TENT4A: variants seen among roughly 807,000 people sequenced by gnomAD.
The protein encoded by TENT4A is terminal nucleotidyltransferase 4A.
TENT4A carries 7 observed loss-of-function variants against 72.8 expected under a neutral mutation model. The observed-to-expected ratio is 0.10, with a 90% CI of 0.05 to 0.18. The LOEUF is 0.18. Among genes scored for constraint, TENT4A ranks in the 10% least tolerant of loss-of-function variants. The probability of loss-of-function intolerance (pLI) is 1.00; values close to 1 mark genes in which losing one functional copy is unlikely to be tolerated. For missense variants in TENT4A, 831 were observed against 1,017.7 expected (o/e 0.82, Z 2.50); for synonymous variants, 456 against 434.3 (o/e 1.05, Z -0.62).
intron 1 of TENT4A, 129 bp downstream of exon 1, chr5:6,714,828 C>T (rs1740282996): frequency 2.5e-6 from 1 of 394,382 alleles, no homozygotes; most frequent in Non-Finnish European, 4.1e-6. Context: ...GGCCAAGGCC[C>T]GACTCTGCAC....
chr5:6,738,794 G>A (rs751237607), intron 3 of TENT4A, 65 bp downstream of exon 3: 17 of 1,151,740 alleles, frequency 1.5e-5, no homozygotes, highest in Non-Finnish European at 2.0e-5. Context: ...CAATATTAAG[G>A]GCTACAAATA....
chr5:6,729,849 C>T (rs573105693), intron 1 of TENT4A, among the ~76,000 whole-genome samples: 83 of 152,166 alleles, frequency 5.5e-4, no homozygotes, highest in Non-Finnish European at 8.7e-4. Flanking sequence ...CGGGTGGTAC[C>T]TGTGGTGTGG....
At chr5:6,749,457 G>A (rs958165706) in intron 8 of TENT4A, 100 bp from the exon 9 acceptor site, 15 of 699,740 alleles carry the variant, frequency 2.1e-5, no homozygotes, top group South Asian at 1.4e-4. Flanking sequence ...TTCACCTAGC[G>A]AGATGATCTG....
intron 1 of TENT4A, among the ~76,000 whole-genome samples, chr5:6,717,177 C>T (rs1740430554): frequency 1.3e-5 from 2 of 152,240 alleles, no homozygotes; most frequent in Admixed American, 1.3e-4. Context: ...TTCTGGCCAT[C>T]AGCTTACCCA....
chr5:6,734,458 G>A (rs542350279), intron 1 of TENT4A, among the ~76,000 whole-genome samples: 5 of 152,220 alleles, frequency 3.3e-5, no homozygotes, highest in Admixed American at 6.5e-5. Flanking sequence ...TCCTGGAGTC[G>A]TGCGGCACCT....
chr5:6,726,857 A>C (rs1049215456), intron 1 of TENT4A, among the ~76,000 whole-genome samples: 1 of 152,150 alleles, frequency 6.6e-6, no homozygotes, highest in Non-Finnish European at 1.5e-5. Context: ...GGATCCGGAT[A>C]TAGACTGAGG....
chr5:6,720,826 G>A (rs1352736817), intron 1 of TENT4A, among the ~76,000 whole-genome samples: 3 of 152,220 alleles, frequency 2.0e-5, no homozygotes, highest in African/African-American at 7.2e-5. Context: ...TCTTTCCTAT[G>A]CAGGTGGGGG....
Position 6,748,529 on chromosome 5 carries a change from A to G in TENT4A, c.1525A>G (p.Ile509Val). The change falls in exon 8 of 13, where the codon ATA becomes GTA. Residue 509 changes from isoleucine (I) to valine (V), a missense_variant. Ile to Val is a conservative substitution (Grantham distance 29). Around this residue, in one of 3 missense-constraint regions of TENT4A, gnomAD observed 197 missense variants for 399.6 expected, o/e 0.49. Coordinates refer to ENST00000230859, the MANE Select transcript of TENT4A (RefSeq NM_006999.6). ...GAAGCAGGTCTTCGATTATGCCTAC[A>G]TAGTGCTCAGCCATGCTGTGTCACC... is the stretch of plus-strand genomic sequence containing the variant. ...QVKQVFDYAY[I>V]VLSHAVSPLA... 4 of 1,614,094 alleles carry G rather than the reference A, an allele frequency of 2.5e-6. No homozygotes were observed. The highest frequency in any genetic ancestry group is 3.4e-6 in the Non-Finnish European group (4 of 1,179,986).
chr5:6,751,245 C>CTCGG, intron 11 of TENT4A, 48 bp downstream of exon 11: 1 of 1,597,060 alleles, frequency 6.3e-7, no homozygotes, highest in Non-Finnish European at 8.6e-7. Context: ...CTGGGAACAG[C>CTCGG]ATCCGAGCTG....
intron 4 of TENT4A, 56 bp from the exon 5 acceptor site, chr5:6,742,434 C>A: frequency 6.3e-6 from 7 of 1,109,158 alleles, no homozygotes; most frequent in Non-Finnish European, 9.7e-6. Flanking sequence ...CATTTTGATG[C>A]CTGGCTGTGG....
chr5:6,719,280 T>C (rs923586077), intron 1 of TENT4A, among the ~76,000 whole-genome samples: 1 of 152,216 alleles, frequency 6.6e-6, no homozygotes, highest in Non-Finnish European at 1.5e-5. Context: ...TTAATAGTTA[T>C]CCTTGGAAAA....
intron 11 of TENT4A, among the ~76,000 whole-genome samples, chr5:6,751,996 G>A (rs3797185): frequency 0.21 from 31,879 of 152,102 alleles, 3,662 homozygotes; most frequent in Non-Finnish European, 0.26. Flanking sequence ...CAGAGCCATG[G>A]CCCAGCCGGA....
Position 6,743,819 on chromosome 5 carries a change from A to G in TENT4A, c.1224A>G (p.Leu408=). 7 of 1,613,850 alleles carry G rather than the reference A, an allele frequency of 4.3e-6. No individual in the cohort carries two copies. Among genetic ancestry groups the G allele is most frequent in the Non-Finnish European group, 5.1e-6 (6 of 1,179,798 alleles). Residue 408 remains leucine (L), a synonymous_variant, in exon 6 of 13, where the codon TTA becomes TTG. Transcript: ENST00000230859. ...GAATTAGCTCATACAGCCTAATTTTAATGGCCATTAGCTTTCTACAGGTAT... is the reference window on the plus strand; with the variant it reads ...GAATTAGCTCATACAGCCTAATTTTGATGGCCATTAGCTTTCTACAGGTAT... The part of the protein sequence containing the change: ...TGGISSYSLI[L]MAISFLQLHP...
intron 6 of TENT4A, among the ~76,000 whole-genome samples, chr5:6,744,394 C>T (rs780021698): frequency 5.9e-5 from 9 of 152,184 alleles, no homozygotes; most frequent in Non-Finnish European, 1.3e-4. Context: ...TGTAATTATA[C>T]TTTTTAAACA....
intron 7 of TENT4A, among the ~76,000 whole-genome samples, chr5:6,747,177 T>C (rs1346509871): frequency 6.6e-6 from 1 of 152,242 alleles, no homozygotes; most frequent in Non-Finnish European, 1.5e-5. Context: ...GATACCATTC[T>C]TACTGTTGGT....
intron 11 of TENT4A, 149 bp from the exon 12 acceptor site, chr5:6,752,724 G>T: frequency 1.6e-6 from 1 of 607,054 alleles, no homozygotes; most frequent in Non-Finnish European, 2.9e-6. Flanking sequence ...GCACAATATT[G>T]TTAGGTAATA....
Position 6,750,617 on chromosome 5 carries a change from G to T in TENT4A, c.1860+114G>T, listed in dbSNP as rs946819959. ...GGTTTTGCTCAGGTTTTGTTTCCTT[G>T]TATGTGTGTGGAGGTGGGTGGGGGG... On this transcript the variant is annotated intron_variant, in intron 10 of 12. Transcript: ENST00000230859. 9.7e-6 allele frequency: 10 copies of T among 1,025,662 alleles called. No individual in the cohort carries two copies. In the South Asian group the frequency reaches 1.5e-4, roughly 16 times the overall value. 63.5% of individuals were successfully genotyped at this position (1,025,662 alleles called of 1,614,324 possible).
rs1453980702 is a variant in TENT4A, at chr5:6,755,074, T to C, written c.*129T>C. 10 of 682,018 alleles carry C rather than the reference T, an allele frequency of 1.5e-5. No individual in the cohort carries two copies. In the East Asian group the frequency reaches 2.9e-4, roughly 20 times the overall value. The allele number at this position is 682,018 out of a possible 1,614,324, so 42.2% of individuals were successfully genotyped here. The stretch of plus-strand genomic sequence containing the variant: ...TCGCGGCACGCCCGCCGCTGATCAC[T>C]CTGCATGTTTCTTCGTGTGGTGGTC... On this transcript the variant is annotated 3_prime_UTR_variant, in exon 13 of 13. Transcript: ENST00000230859.
chr5:6,753,147 G>A (rs1742507905), intron 12 of TENT4A, 110 bp downstream of exon 12: 1 of 1,160,442 alleles, frequency 8.6e-7, no homozygotes, highest in Non-Finnish European at 1.2e-6. Context: ...TTTGAAAACG[G>A]AATTTGCTTT....
Sources: gnomAD v4.1 joint callset for allele counts (sites outside exome capture counted in the v4.1 genomes callset) on GRCh38, gnomAD v4.1.1 for gene constraint, gnomAD v4.1.1 regional missense constraint, MANE v1.5 for transcripts, NCBI Gene and HGNC (gene_info 2026-07-23, HGNC 2026-07-21) for gene names.